COL25A1: variants seen among roughly 807,000 people sequenced by gnomAD.
The protein encoded by COL25A1 is collagen type XXV alpha 1 chain, also known as collagen alpha-1(XXV) chain.
In COL25A1, 103 loss-of-function variants were observed where a neutral mutation model predicts 128.4. That is an observed-to-expected ratio of 0.80 (90% CI 0.68 to 0.94). The LOEUF is 0.94. Ranked by LOEUF, COL25A1 falls within the 40% of genes least tolerant of loss-of-function variation. The pLI is 0.00. For synonymous variants in COL25A1, 279 were observed against 277.2 expected, an observed-to-expected ratio of 1.01 and a Z score of -0.06; for missense variants, 745 against 840.0, an observed-to-expected ratio of 0.89 and a Z score of 1.40.
At chr4:108,907,158 T>C (rs1743626767) in intron 13 of COL25A1, among the ~76,000 whole-genome samples, 1 of 151,840 alleles carries the variant, frequency 6.6e-6, no homozygotes, top group Admixed American at 6.6e-5. Flanking sequence ...CAGCATGGGG[T>C]GGAGTGAAGC....
chr4:109,274,217 T>A (rs1782392973), intron 3 of COL25A1, among the ~76,000 whole-genome samples: 2 of 150,626 alleles, frequency 1.3e-5, no homozygotes, highest in African/African-American at 2.4e-5. Context: ...ATTAAAAAAA[T>A]GATAATCAAA....
intron 5 of COL25A1, among the ~76,000 whole-genome samples, chr4:109,033,287 T>A (rs897640185): frequency 2.0e-5 from 3 of 152,192 alleles, no homozygotes; most frequent in Non-Finnish European, 4.4e-5. Flanking sequence ...ACAGAGGCAG[T>A]CAAGGGACCT....
chr4:108,962,185 C>CTTTTTTTT (rs201713906), intron 8 of COL25A1, among the ~76,000 whole-genome samples: 1 of 131,956 alleles, frequency 7.6e-6, no homozygotes, highest in Non-Finnish European at 1.7e-5. Context: ...TACCTCGATT[C>CTTTTTTTT]TTTTTTTTTC....
intron 3 of COL25A1, among the ~76,000 whole-genome samples, chr4:109,232,676 C>T (rs1273350647): frequency 6.6e-6 from 1 of 152,090 alleles, no homozygotes; most frequent in Non-Finnish European, 1.5e-5. Context: ...TATAAGTAAC[C>T]TCTGTGACAA....
chr4:109,269,339 A>G (rs1210434424), intron 3 of COL25A1, among the ~76,000 whole-genome samples: 1 of 146,966 alleles, frequency 6.8e-6, no homozygotes, highest in Non-Finnish European at 1.5e-5. Context: ...TCATTGTTGG[A>G]CATTTGGGTT....
chr4:109,051,019 G>A (rs1014939784), intron 3 of COL25A1, among the ~76,000 whole-genome samples: 7 of 152,088 alleles, frequency 4.6e-5, no homozygotes, highest in Admixed American at 6.5e-5. Flanking sequence ...TCCTTGGGCA[G>A]GAGTAGCCTT....
chr4:108,964,731 G>A (rs1348742908), intron 8 of COL25A1, among the ~76,000 whole-genome samples: 1 of 151,940 alleles, frequency 6.6e-6, no homozygotes, highest in Non-Finnish European at 1.5e-5. Flanking sequence ...AATATTCCTG[G>A]GTTCAATTCA....
intron 8 of COL25A1, among the ~76,000 whole-genome samples, chr4:108,961,208 A>G (rs1180999884): frequency 2.0e-5 from 3 of 152,158 alleles, no homozygotes; most frequent in Non-Finnish European, 4.4e-5. Context: ...GAGAATCTGT[A>G]TTTATGGACA....
intron 3 of COL25A1, among the ~76,000 whole-genome samples, chr4:109,244,901 G>C (rs1031940810): frequency 6.6e-6 from 1 of 151,944 alleles, no homozygotes; most frequent in East Asian, 1.9e-4. Flanking sequence ...TTTGTGTCTT[G>C]ATACCTTTAT....
At chr4:109,117,040 C>A (rs201317178) in intron 3 of COL25A1, among the ~76,000 whole-genome samples, 7 of 150,886 alleles carry the variant, frequency 4.6e-5, no homozygotes, top group Admixed American at 3.3e-4. Flanking sequence ...GTGTAACATG[C>A]GTAATAGGAA....
At chr4:108,942,172 A>G in intron 8 of COL25A1, 2 of 1,545,134 alleles carry the variant, frequency 1.3e-6, no homozygotes, top group Non-Finnish European at 1.8e-6. Flanking sequence ...TGCTGATTGC[A>G]TTTCTGACTG....
At chr4:108,869,420 T>A (rs1438056832) in intron 19 of COL25A1, among the ~76,000 whole-genome samples, 1 of 152,140 alleles carries the variant, frequency 6.6e-6, no homozygotes, top group East Asian at 1.9e-4. Flanking sequence ...GGAGGGGATG[T>A]GCAAACCCCT....
intron 3 of COL25A1, among the ~76,000 whole-genome samples, chr4:109,140,086 G>C (rs1303900090): frequency 3.3e-5 from 5 of 150,234 alleles, no homozygotes; most frequent in African/African-American, 7.4e-5. Flanking sequence ...TGGACATTTG[G>C]GTTGGTTCCA....
At chr4:108,840,477 T>C (rs1734321261) in intron 31 of COL25A1, among the ~76,000 whole-genome samples, 1 of 152,044 alleles carries the variant, frequency 6.6e-6, no homozygotes, top group East Asian at 1.9e-4. Flanking sequence ...TAAAGAGGCA[T>C]GAACACATTC....
At chr4:108,994,826 CAG>C (rs573659090) in intron 6 of COL25A1, among the ~76,000 whole-genome samples, 4 of 152,306 alleles carry the variant, frequency 2.6e-5, no homozygotes, top group South Asian at 2.1e-4. Flanking sequence ...CCCAGGCAAA[CAG>C]GGTCTGGAGT....
At chr4:109,258,913 C>T (rs9993777) in intron 3 of COL25A1, among the ~76,000 whole-genome samples, 14,876 of 152,166 alleles carry the variant, frequency 0.098, 975 homozygotes, top group East Asian at 0.25. Context: ...CATCTTTCTT[C>T]CAGCTAAAAG....
At chr4:108,836,165 C>T (rs894072433) in intron 31 of COL25A1, among the ~76,000 whole-genome samples, 2 of 152,066 alleles carry the variant, frequency 1.3e-5, no homozygotes, top group African/African-American at 4.8e-5. Flanking sequence ...CCACCGTGCC[C>T]GGCCTTACAT....
chr4:108,977,656 T>C (rs971464631), intron 6 of COL25A1, among the ~76,000 whole-genome samples: 1 of 152,242 alleles, frequency 6.6e-6, no homozygotes, highest in Non-Finnish European at 1.5e-5. Flanking sequence ...ATTTGTTGAA[T>C]GTCTATACAG....
chr4:108,860,762 A>C (rs1737108898), intron 23 of COL25A1, among the ~76,000 whole-genome samples, 165 bp downstream of exon 23: 1 of 152,180 alleles, frequency 6.6e-6, no homozygotes, highest in Non-Finnish European at 1.5e-5. Flanking sequence ...CCTGGTGAGG[A>C]AAATAAAGGA....
Sources: gnomAD v4.1 joint callset for allele counts (sites outside exome capture counted in the v4.1 genomes callset) on GRCh38, gnomAD v4.1.1 for gene constraint, MANE v1.5 for transcripts, NCBI Gene and HGNC (gene_info 2026-07-23, HGNC 2026-07-21) for gene names.